Variants in S1PR2 observed in about 807,000 individuals in gnomAD.
The protein encoded by S1PR2 is sphingosine-1-phosphate receptor 2.
Under a neutral mutation model 16.1 loss-of-function variants are expected in S1PR2, and 9 were observed. That is an observed-to-expected ratio of 0.56 (90% CI 0.34 to 0.98). The LOEUF (loss-of-function observed/expected upper bound fraction) is 0.98, where lower values mean the gene tolerates loss of function less well. Among genes scored for constraint, S1PR2 ranks in the 50% least tolerant of loss-of-function variants. The pLI is 0.02. For synonymous variants in S1PR2, 224 were observed against 233.9 expected, an observed-to-expected ratio of 0.96 and a Z score of 0.38; for missense variants, 361 against 488.4, an observed-to-expected ratio of 0.74 and a Z score of 2.46.
rs1361021853 is a variant in S1PR2 at position 10,224,391 on chromosome 19, C to T, written c.515G>A (p.Cys172Tyr). ...GGAGCAGGCCTCGAGGTGGCCCAGG[C>T]AGTTCCAGCCAAGGATGGGCAGGCC... ...LGGLPILGWN[C>Y]LGHLEACSTV... Residue 172 changes from cysteine (C) to tyrosine (Y), a missense_variant, in exon 2 of 2, where the codon TGC (cysteine) becomes TAC (tyrosine). Physicochemically the swap from Cys to Tyr is radical, Grantham distance 194. Transcript: ENST00000646641. 1 of 1,613,848 alleles carries T rather than the reference C, an allele frequency of 6.2e-7. No individual in the cohort carries two copies.
At chr19:10,230,659 A>C (rs2145447238) in intron 1 of S1PR2, among the ~76,000 whole-genome samples, 1 of 152,314 alleles carries the variant, frequency 6.6e-6, no homozygotes, top group African/African-American at 2.4e-5. Context: ...GAGGCGTCTG[A>C]GCCACGCAGT....
chr19:10,226,201 G>A (rs566044122), intron 1 of S1PR2, among the ~76,000 whole-genome samples: 9 of 152,270 alleles, frequency 5.9e-5, no homozygotes, highest in South Asian at 2.1e-4. Context: ...ACCCACTAAC[G>A]CTGGATTTCA....
chr19:10,221,756 G>A lies in S1PR2; in HGVS notation c.*2088C>T, dbSNP rs1283416612. 6.6e-6 allele frequency: 1 copy of A among 152,494 alleles called. No homozygotes were observed. The highest frequency in any genetic ancestry group is 6.5e-5 in the Admixed American group (1 of 15,272). The allele number at this position is 152,494 out of a possible 1,614,324, so 9.4% of individuals were successfully genotyped here. A position where few individuals can be genotyped will look rare whatever the true frequency, so the allele number is the denominator to read the frequency against. On this transcript the variant is annotated 3_prime_UTR_variant, in exon 2 of 2. Transcript: ENST00000646641. ...ATTCATTCTGGGGGAAATGTGACGA[G>A]GAGAGGAGGGTCACAGACATCACGC...
In S1PR2 at chr19:10,224,744, C is replaced by G. The variant is rs761860830; in HGVS notation, c.162G>C (p.Val54=). Reference sequence around the variant, plus strand: ...TGCTGTTTCGGGCCACCGCAATGAGCACCAGAAGGTTTTCCACCACAATGG... The same window carrying G: ...TGCTGTTTCGGGCCACCGCAATGAGGACCAGAAGGTTTTCCACCACAATGG... ...CCAIVVENLL[V]LIAVARNSKF... The change falls in exon 2 of 2, where the codon GTG becomes GTC. Residue 54 remains valine (V), a synonymous_variant. Transcript: ENST00000646641. 6.2e-7 allele frequency: 1 copy of G among 1,614,122 alleles called. No homozygotes were observed. The highest frequency in any genetic ancestry group is 1.3e-5 in the African/African-American group (1 of 74,944).
In S1PR2 at chr19:10,223,872, G is replaced by T. The variant is rs540296894; in HGVS notation, c.1034C>A (p.Thr345Lys). The change falls in exon 2 of 2, where the codon ACG (threonine) becomes AAG (lysine). Residue 345 changes from threonine (T) to lysine (K), a missense_variant. By Grantham distance (78) the Thr-to-Lys change is moderately conservative (BLOSUM62 -1). Transcript: ENST00000646641. ...ERGMHMPTSP[T>K]FLEGNTVV ...GACCACCGTGTTGCCCTCCAGAAAC[G>T]TGGGTGACGTGGGCATGTGCATGCC... The T allele has an allele frequency of 2.6e-6, 4 of 1,550,400 alleles. No individual in the cohort carries two copies. The African/African-American group carries it at 5.5e-5, about 21-fold the overall frequency.
rs2039617889 is a variant in S1PR2 at position 10,224,543 on chromosome 19, G to A, written c.363C>T (p.Phe121=). 6.2e-7 allele frequency: 1 copy of A among 1,613,780 alleles called. No individual in the cohort carries two copies. Among genetic ancestry groups the A allele is most frequent in the African/African-American group, 1.3e-5 (1 of 74,960 alleles). The change falls in exon 2 of 2, where the codon TTC becomes TTT. Residue 121 remains phenylalanine (F), a synonymous_variant. Coordinates refer to ENST00000646641, the MANE Select transcript of S1PR2 (RefSeq NM_004230.4). Reference sequence around the variant, plus strand: ...GCTCAATGGCGATGGCCAGGAGGCTGAAGACAGAGGCCGAGAGCGTGATGA... The same window carrying A: ...GCTCAATGGCGATGGCCAGGAGGCTAAAGACAGAGGCCGAGAGCGTGATGA... ...SAFITLSASV[F]SLLAIAIERH...
chr19:10,224,452 T>C lies in S1PR2; in HGVS notation c.454A>G (p.Ile152Val). The C allele has an allele frequency of 6.2e-7, 1 of 1,613,730 alleles. No homozygotes were observed. The highest frequency in any genetic ancestry group is 1.1e-5 in the South Asian group (1 of 91,080). The change falls in exon 2 of 2, where the codon ATC becomes GTC. Residue 152 changes from isoleucine (I) to valine (V), a missense_variant. Coordinates refer to ENST00000646641, the MANE Select transcript of S1PR2 (RefSeq NM_004230.4). ...SDKSCRMLLL[I>V]GASWLISLVL... ...AGCGAGATGAGCCACGAGGCCCCGA[T>C]GAGCAGAAGCATGCGGCAGCTCTTG...
rs754434903 is a variant in S1PR2 at position 10,223,914 on chromosome 19, G to C, written c.992C>G (p.Ser331Cys). Residue 331 changes from serine to cysteine, a missense_variant, in exon 2 of 2, where the codon TCC (serine) becomes TGC (cysteine). By Grantham distance (112) the Ser-to-Cys change is moderately radical (BLOSUM62 -1). Transcript: ENST00000646641. ...GTGCATGCCCCTCTCCAGGGAGCTG[G>C]AGCTGCGGAGTGGCAGGAGGTGGTG... ...PGHHLLPLRS[S>C]SSLERGMHMP... 1.9e-6 allele frequency: 3 copies of C among 1,600,648 alleles called. No individual in the cohort carries two copies. Among genetic ancestry groups the C allele is most frequent in the Admixed American group, 3.4e-5 (2 of 58,860 alleles).
At chr19:10,226,690 G>T (rs2039637178) in intron 1 of S1PR2, among the ~76,000 whole-genome samples, 1 of 152,088 alleles carries the variant, frequency 6.6e-6, no homozygotes, top group Non-Finnish European at 1.5e-5. Flanking sequence ...TCCCCAGCCA[G>T]GATGAAATCC....
intron 1 of S1PR2, among the ~76,000 whole-genome samples, chr19:10,227,439 G>A (rs923710409): frequency 5.9e-5 from 9 of 152,282 alleles, no homozygotes; most frequent in Admixed American, 5.9e-4. Flanking sequence ...AACAGACAAG[G>A]GCTTGTGCAC....
Position 10,223,768 on chromosome 19 carries a change from G to T in S1PR2, c.*76C>A. 1.5e-6 allele frequency: 2 copies of T among 1,357,834 alleles called. No homozygotes were observed. Among genetic ancestry groups the T allele is most frequent in the Non-Finnish European group, 2.0e-6 (2 of 997,484 alleles). 84.1% of individuals were successfully genotyped at this position (1,357,834 alleles called of 1,614,324 possible). A position where few individuals can be genotyped will look rare whatever the true frequency, so the allele number is the denominator to read the frequency against. ...GGGGCATCTGGCTCAGTAGCCCCAA[G>T]TCTCTATCTGGGGTCACCCAGTGGC... On this transcript the variant is annotated 3_prime_UTR_variant, in exon 2 of 2. Transcript: ENST00000646641.
rs1323435306 is a variant in S1PR2 at position 10,223,883 on chromosome 19, G to T, written c.1023C>A (p.Pro341=). The T allele has an allele frequency of 2.6e-6, 4 of 1,562,432 alleles. No homozygotes were observed. Among genetic ancestry groups the T allele is most frequent in the Non-Finnish European group, 3.5e-6 (4 of 1,155,084 alleles). Residue 341 remains proline, a synonymous_variant, in exon 2 of 2, where the codon CCC becomes CCA. Coordinates refer to ENST00000646641, the MANE Select transcript of S1PR2 (RefSeq NM_004230.4). Reference sequence around the variant, plus strand: ...TGCCCTCCAGAAACGTGGGTGACGTGGGCATGTGCATGCCCCTCTCCAGGG... The same window carrying T: ...TGCCCTCCAGAAACGTGGGTGACGTTGGCATGTGCATGCCCCTCTCCAGGG... ...SSSLERGMHM[P]TSPTFLEGNT...
chr19:10,230,936 C>T (rs2039672737), intron 1 of S1PR2, among the ~76,000 whole-genome samples: 1 of 152,230 alleles, frequency 6.6e-6, no homozygotes, highest in African/African-American at 2.4e-5. Context: ...AGACTCCAGT[C>T]GAAAGCGCTC....
intron 1 of S1PR2, among the ~76,000 whole-genome samples, chr19:10,225,283 C>T (rs186110525): frequency 1.3e-5 from 2 of 152,022 alleles, no homozygotes; most frequent in South Asian, 2.1e-4. Flanking sequence ...AGTGCAGTGG[C>T]GCAATCATAG....
chr19:10,230,740 G>A (rs2145447392), intron 1 of S1PR2, among the ~76,000 whole-genome samples: 1 of 152,342 alleles, frequency 6.6e-6, no homozygotes, highest in Admixed American at 6.5e-5. Context: ...ACAACTTGGG[G>A]AAACCGAGGC....
At chr19:10,226,878 C>T (rs1297757129) in intron 1 of S1PR2, among the ~76,000 whole-genome samples, 2 of 151,900 alleles carry the variant, frequency 1.3e-5, no homozygotes, top group Non-Finnish European at 2.9e-5. Flanking sequence ...TGTGCAGCCC[C>T]GCCGGGAGGG....
chr19:10,224,349 T>A lies in S1PR2; in HGVS notation c.557A>T (p.Tyr186Phe), dbSNP rs2039615691. ...CACGCACAGCACATAATGCTTGGCGTAGAGAGGCAGGACAGTGGAGCAGGC... is the reference window on the plus strand; with the variant it reads ...CACGCACAGCACATAATGCTTGGCGAAGAGAGGCAGGACAGTGGAGCAGGC... Reference protein sequence around the residue: ...LEACSTVLPLYAKHYVLCVVT... With the variant: ...LEACSTVLPLFAKHYVLCVVT... The change falls in exon 2 of 2, where the codon TAC (tyrosine) becomes TTC (phenylalanine). Residue 186 changes from tyrosine to phenylalanine, a missense_variant. By Grantham distance (22) the Tyr-to-Phe change is conservative. Transcript: ENST00000646641. 6.2e-7 allele frequency: 1 copy of A among 1,613,844 alleles called. No homozygotes were observed. Among genetic ancestry groups the A allele is most frequent in the Admixed American group, 1.7e-5 (1 of 59,988 alleles).
At chr19:10,230,204 C>T (rs1163568946) in intron 1 of S1PR2, among the ~76,000 whole-genome samples, 1 of 152,264 alleles carries the variant, frequency 6.6e-6, no homozygotes, top group East Asian at 1.9e-4. Flanking sequence ...CACTCTCGGC[C>T]TCCTTATCTG....
chr19:10,230,612 TC>T (rs2039668095), intron 1 of S1PR2: 1 of 153,084 alleles, frequency 6.5e-6, no homozygotes, highest in Non-Finnish European at 1.5e-5. Flanking sequence ...ACGCGCGCCT[TC>T]ACCCACGACC....
Sources: gnomAD v4.1 joint callset for allele counts (sites outside exome capture counted in the v4.1 genomes callset) on GRCh38, gnomAD v4.1.1 for gene constraint, MANE v1.5 for transcripts, NCBI Gene and HGNC (gene_info 2026-07-23, HGNC 2026-07-21) for gene names.